WDR93: variants seen among roughly 807,000 people sequenced by gnomAD.
The protein encoded by WDR93 is WD repeat-containing protein 93.
WDR93 carries 73 observed loss-of-function variants against 82.9 expected under a neutral mutation model. That is an observed-to-expected ratio of 0.88 (90% CI 0.73 to 1.07). The LOEUF (loss-of-function observed/expected upper bound fraction) is 1.07. Among genes scored for constraint, WDR93 ranks in the 50% least tolerant of loss-of-function variants. The probability of loss-of-function intolerance (pLI) is 0.00; values close to 1 mark genes in which losing one functional copy is unlikely to be tolerated. For synonymous variants in WDR93, 283 were observed against 300.1 expected (o/e 0.94, Z 0.59); for missense variants, 738 against 826.0 (o/e 0.89, Z 1.31).
chr15:89,719,360 C>T (rs1472937518), intron 7 of WDR93, among the ~76,000 whole-genome samples: 1 of 152,232 alleles, frequency 6.6e-6, no homozygotes, highest in Non-Finnish European at 1.5e-5. Flanking sequence ...CTGGAGCTTT[C>T]TTTGTGGAAC....
intron 4 of WDR93, among the ~76,000 whole-genome samples, chr15:89,708,238 A>T (rs1965809174): frequency 6.6e-6 from 1 of 152,228 alleles, no homozygotes; most frequent in South Asian, 2.1e-4. Flanking sequence ...CTAATTGTAC[A>T]CTTCAAACAT....
chr15:89,712,025 G>A lies in WDR93; in HGVS notation c.562-1G>A. On this transcript the variant is annotated splice_acceptor_variant, in intron 4 of 16. Transcript: ENST00000268130. LOFTEE classifies it high-confidence loss of function. ...TCTATCAACATCTCTTTTGTTTTCA[G>A]GATGATACCAGCAAGCAAACTACCT... 1 of 1,612,286 alleles carries A rather than the reference G, an allele frequency of 6.2e-7. No homozygotes were observed.
chr15:89,733,312 G>C (rs984318983), intron 13 of WDR93, 93 bp downstream of exon 13: 7 of 1,205,540 alleles, frequency 5.8e-6, no homozygotes, highest in Non-Finnish European at 8.2e-6. Flanking sequence ...TCTGACTACA[G>C]TCCACCTTTT....
rs943159725 is a variant in WDR93 at position 89,736,852 on chromosome 15, T to C, written c.1609-721T>C. ...TGCCGCCCAGGCTGGAGTGCAGTGG[T>C]GCAATCTTGGCTCACTGCAAGCTCT... is the stretch of plus-strand genomic sequence containing the variant. On this transcript the variant is annotated intron_variant, in intron 14 of 16. Coordinates refer to ENST00000268130, the MANE Select transcript of WDR93 (RefSeq NM_020212.2). 6.8e-4 allele frequency among the ~76,000 whole-genome samples: 101 copies of C among 149,254 alleles called. 1 individual carries two copies. Among genetic ancestry groups the C allele is most frequent in the Admixed American group, 1.6e-3 (23 of 14,766 alleles).
intron 5 of WDR93, among the ~76,000 whole-genome samples, chr15:89,712,334 A>G (rs1966016023): frequency 6.7e-6 from 1 of 148,932 alleles, no homozygotes; most frequent in African/African-American, 2.5e-5. Context: ...TTGGTACAGT[A>G]CTATTAACTA....
chr15:89,699,268 T>C (rs1216214735), intron 1 of WDR93, among the ~76,000 whole-genome samples: 1 of 152,180 alleles, frequency 6.6e-6, no homozygotes, highest in Non-Finnish European at 1.5e-5. Context: ...TTTAATTTTC[T>C]GAAAAATATG....
At chr15:89,743,169 C>G in intron 16 of WDR93, 123 bp from the exon 17 acceptor site, 1 of 889,082 alleles carries the variant, frequency 1.1e-6, no homozygotes, top group Non-Finnish European at 1.8e-6. Flanking sequence ...GACACAGAGG[C>G]GATGCAGGTG....
Position 89,742,571 on chromosome 15 carries a change from T to G in WDR93, c.1962-721T>G, listed in dbSNP as rs576452614. Among the ~76,000 whole-genome samples the G allele has an allele frequency of 4.6e-5, 7 of 152,260 alleles. No individual in the cohort carries two copies. In the South Asian group the frequency reaches 1.5e-3, roughly 32 times the overall value. ...CTTTTGAGATGGAATTTTGCTCTTG[T>G]TGCCCAGGCTGGAGTGCAATGGTGC... On this transcript the variant is annotated intron_variant, in intron 16 of 16. Coordinates refer to ENST00000268130, the MANE Select transcript of WDR93 (RefSeq NM_020212.2).
At chr15:89,714,049 C>T (rs1358052465) in intron 5 of WDR93, among the ~76,000 whole-genome samples, 21 of 152,174 alleles carry the variant, frequency 1.4e-4, no homozygotes, top group Admixed American at 1.4e-3. Context: ...GTTTCTTTGA[C>T]AAGATAAAGT....
intron 1 of WDR93, among the ~76,000 whole-genome samples, chr15:89,696,063 C>T (rs572214064): frequency 2.6e-5 from 4 of 151,960 alleles, no homozygotes; most frequent in Admixed American, 6.6e-5. Flanking sequence ...GTGATTCACC[C>T]GCCTTGGCCC....
intron 4 of WDR93, among the ~76,000 whole-genome samples, chr15:89,708,398 C>G (rs1224535778): frequency 1.3e-5 from 2 of 152,078 alleles, no homozygotes; most frequent in Non-Finnish European, 2.9e-5. Flanking sequence ...GTCCTAGTGA[C>G]AGTCACACCC....
chr15:89,710,044 C>T (rs1965901029), intron 4 of WDR93, among the ~76,000 whole-genome samples: 1 of 152,170 alleles, frequency 6.6e-6, no homozygotes, highest in Non-Finnish European at 1.5e-5. Flanking sequence ...CCTGTAGTCC[C>T]AGCTACTTGG....
At chr15:89,737,489 C>A in intron 14 of WDR93, 84 bp from the exon 15 acceptor site, 2 of 1,543,898 alleles carry the variant, frequency 1.3e-6, no homozygotes, top group South Asian at 1.2e-5. Flanking sequence ...TTCTCTCATT[C>A]CTTACTGGGG....
chr15:89,737,957 C>A, intron 15 of WDR93, 84 bp from the exon 16 acceptor site: 3 of 1,440,804 alleles, frequency 2.1e-6, no homozygotes, highest in Non-Finnish European at 2.8e-6. Flanking sequence ...AAGCAGAGAG[C>A]AGCCCCCACC....
At chr15:89,729,617 C>T in intron 10 of WDR93, 66 bp from the exon 11 acceptor site, 2 of 1,324,198 alleles carry the variant, frequency 1.5e-6, no homozygotes, top group Non-Finnish European at 2.2e-6. Flanking sequence ...CTGTGCAAAC[C>T]AAAGGCCACC....
intron 4 of WDR93, among the ~76,000 whole-genome samples, chr15:89,708,059 AT>A (rs1483127157): frequency 6.6e-6 from 1 of 152,228 alleles, no homozygotes; most frequent in Non-Finnish European, 1.5e-5. Context: ...GTTTGGTTCC[AT>A]TTTTATAAAA....
chr15:89,711,518 C>T (rs554287689), intron 4 of WDR93, among the ~76,000 whole-genome samples: 14 of 106,182 alleles, frequency 1.3e-4, no homozygotes, highest in African/African-American at 4.4e-4. Flanking sequence ...TAAAAATTAG[C>T]GAGTCTCAAA....
intron 2 of WDR93, 32 bp downstream of exon 2, chr15:89,702,081 G>T (rs1596071486): frequency 6.4e-7 from 1 of 1,569,406 alleles, no homozygotes. Context: ...AGGAGCCCCT[G>T]TTTCTCAGTT....
intron 16 of WDR93, among the ~76,000 whole-genome samples, chr15:89,742,403 A>G (rs112788100): frequency 0.017 from 2,585 of 150,302 alleles, 87 homozygotes; most frequent in African/African-American, 0.06. Flanking sequence ...CCCTACCACA[A>G]CCCCACTGAC....
Sources: gnomAD v4.1 joint callset for allele counts (sites outside exome capture counted in the v4.1 genomes callset) on GRCh38, gnomAD v4.1.1 for gene constraint, MANE v1.5 for transcripts, NCBI Gene and HGNC (gene_info 2026-07-23, HGNC 2026-07-21) for gene names.